CACNA1S: variants seen among roughly 807,000 people sequenced by gnomAD.
CACNA1S encodes calcium voltage-gated channel subunit alpha1 S.
Under a neutral mutation model 207.4 loss-of-function variants are expected in CACNA1S, and 126 were observed. The observed-to-expected ratio is 0.61, with a 90% confidence interval of 0.53 to 0.70. The LOEUF (loss-of-function observed/expected upper bound fraction) is 0.70, where lower values mean the gene tolerates loss of function less well. Among genes scored for constraint, CACNA1S ranks in the 30% least tolerant of loss-of-function variants. CACNA1S has a pLI of 0.00. For missense variants in CACNA1S, 2,349 were observed against 2,422.8 expected (o/e 0.97, Z 0.64); for synonymous variants, 960 against 932.7 (o/e 1.03, Z -0.53).
intron 34 of CACNA1S, 23 bp from the exon 35 acceptor site, chr1:201,049,122 G>T (rs775317860): frequency 4.5e-6 from 7 of 1,542,898 alleles, no homozygotes; most frequent in Non-Finnish European, 6.2e-6. Context: ...ACACAGACTT[G>T]TGTACCTGCT....
chr1:201,077,511 C>T (rs1437033810), intron 11 of CACNA1S, among the ~76,000 whole-genome samples: 2 of 152,302 alleles, frequency 1.3e-5, no homozygotes, highest in East Asian at 3.9e-4. Flanking sequence ...CTCACCACCT[C>T]ACAAAGGCCC....
chr1:201,084,715 T>C (rs1328483748), intron 9 of CACNA1S, among the ~76,000 whole-genome samples: 3 of 152,192 alleles, frequency 2.0e-5, no homozygotes, highest in African/African-American at 7.2e-5. Context: ...GTCCTTCTTA[T>C]GTGCTATATA....
At chr1:201,098,804 T>G (rs1662532372) in intron 2 of CACNA1S, among the ~76,000 whole-genome samples, 1 of 152,076 alleles carries the variant, frequency 6.6e-6, no homozygotes, top group Non-Finnish European at 1.5e-5. Context: ...CTTCGTGAGG[T>G]GAGAGCTCCC....
At chr1:201,072,919 A>C in intron 15 of CACNA1S, 95 bp from the exon 16 acceptor site, 7 of 908,924 alleles carry the variant, frequency 7.7e-6, no homozygotes, top group East Asian at 2.4e-5. Flanking sequence ...CGTTCAGCTC[A>C]CTTAATCATC....
At chr1:201,078,179 G>A (rs1661702826) in intron 10 of CACNA1S, 75 bp from the exon 11 acceptor site, 1 of 1,236,026 alleles carries the variant, frequency 8.1e-7, no homozygotes, top group Admixed American at 1.7e-5. Flanking sequence ...CTGTGGCTGG[G>A]CCTCAACCCA....
chr1:201,068,231 C>CTT lies in CACNA1S; in HGVS notation c.2550+904_2550+905dup, dbSNP rs60151209. Among the ~76,000 whole-genome samples, 44 of 47,008 alleles carry CTT rather than the reference C, an allele frequency of 9.4e-4. 3 individuals carry two copies. Among genetic ancestry groups the CTT allele is most frequent in the African/African-American group, 1.3e-3 (13 of 9,890 alleles). 30.8% of individuals were successfully genotyped at this position (47,008 alleles called of 152,430 possible). ...AATCACACAGCTCCCCGGCTCTGCTCTTTTTTTTTTTTTTTTTTTTTTTTT... is the reference window on the plus strand; with the variant it reads ...AATCACACAGCTCCCCGGCTCTGCTCTTTTTTTTTTTTTTTTTTTTTTTTTTT... On this transcript the variant is annotated intron_variant, in intron 19 of 43. Coordinates refer to ENST00000362061, the MANE Select transcript of CACNA1S (RefSeq NM_000069.3).
Position 201,060,776 on chromosome 1 carries a change from C to T in CACNA1S, c.3296G>A (p.Arg1099Lys), listed in dbSNP as rs751834090. 5.0e-6 allele frequency: 8 copies of T among 1,614,186 alleles called. No individual in the cohort carries two copies. The South Asian group carries it at 7.7e-5, about 16-fold the overall frequency. The part of the protein sequence containing the change: ...VQYALKARPL[R>K]CYIPKNPYQY... ...GTATGGGTTTTTGGGAATGTAGCAC[C>T]TCAGTGGGCGGGCCTTCAGGGCATA... Residue 1099 changes from arginine to lysine, a missense_variant, in exon 26 of 44, where the codon AGG becomes AAG. Arg to Lys is a conservative substitution (Grantham distance 26). Coordinates refer to ENST00000362061, the MANE Select transcript of CACNA1S (RefSeq NM_000069.3).
At chr1:201,061,511 C>T (rs527820503) in intron 24 of CACNA1S, 43 bp from the exon 25 acceptor site, 2 of 1,580,578 alleles carry the variant, frequency 1.3e-6, no homozygotes, top group South Asian at 2.2e-5. Flanking sequence ...GGTGGGGTGA[C>T]AAGGCAGAGA....
At chr1:201,047,736 T>A in intron 36 of CACNA1S, 110 bp from the exon 37 acceptor site, 2 of 781,496 alleles carry the variant, frequency 2.6e-6, no homozygotes, top group Non-Finnish European at 4.5e-6. Flanking sequence ...TAAGAAACAT[T>A]GGCTGAGTTT....
Position 201,053,127 on chromosome 1 carries a change from G to T in CACNA1S, c.3861+82C>A. The T allele has an allele frequency of 6.7e-7, 1 of 1,491,348 alleles. No individual in the cohort carries two copies. The highest frequency in any genetic ancestry group is 9.4e-7 in the Non-Finnish European group (1 of 1,068,244). The allele number at this position is 1,491,348 out of a possible 1,614,324, so 92.4% of individuals were successfully genotyped here. On this transcript the variant is annotated intron_variant, in intron 31 of 43. Coordinates refer to ENST00000362061, the MANE Select transcript of CACNA1S (RefSeq NM_000069.3). The surrounding 1 kb of genome is among the most constrained non-coding windows in gnomAD (Gnocchi z 5.1). ...GGGCGGAGGGTCCAGCCCGTGTGCTGCTCAGGCTCCTCAGGGTCCACTGAT... is the reference window on the plus strand; with the variant it reads ...GGGCGGAGGGTCCAGCCCGTGTGCTTCTCAGGCTCCTCAGGGTCCACTGAT...
intron 1 of CACNA1S, 47 bp from the exon 2 acceptor site, chr1:201,110,316 C>T: frequency 6.4e-7 from 1 of 1,553,064 alleles, no homozygotes; most frequent in Non-Finnish European, 8.9e-7. Context: ...AAGGGACTTA[C>T]AGGGTTAAGG....
chr1:201,097,323 C>T (rs1214878089), intron 2 of CACNA1S, among the ~76,000 whole-genome samples: 1 of 152,288 alleles, frequency 6.6e-6, no homozygotes, highest in East Asian at 1.9e-4. Flanking sequence ...CCGTGGCATG[C>T]AAGATCCTCC....
At chr1:201,070,244 AC>A (rs770187715) in intron 17 of CACNA1S, 27 bp downstream of exon 17, 3 of 1,613,442 alleles carry the variant, frequency 1.9e-6, no homozygotes, top group Admixed American at 1.7e-5. Context: ...CGCATCAATC[AC>A]CCCCACAGCA....
chr1:201,043,696 C>T (rs1269838331), intron 39 of CACNA1S, among the ~76,000 whole-genome samples, 165 bp from the exon 40 acceptor site: 1 of 151,998 alleles, frequency 6.6e-6, no homozygotes, highest in Non-Finnish European at 1.5e-5. Flanking sequence ...AAGAAAATTC[C>T]CACCCTTAGA....
chr1:201,067,858 G>A (rs1036665242), intron 19 of CACNA1S, among the ~76,000 whole-genome samples: 24 of 152,156 alleles, frequency 1.6e-4, no homozygotes, highest in African/African-American at 2.9e-4. Context: ...TTGAGGCCCC[G>A]AAATAAGGTA....
chr1:201,091,400 G>T (rs1358862230), intron 5 of CACNA1S, among the ~76,000 whole-genome samples: 1 of 151,718 alleles, frequency 6.6e-6, no homozygotes, highest in East Asian at 1.9e-4. Context: ...TGTGGGGCAG[G>T]GGGGTGACGG....
chr1:201,054,306 C>T (rs944288967), intron 29 of CACNA1S, among the ~76,000 whole-genome samples, 199 bp downstream of exon 29: 22 of 152,138 alleles, frequency 1.4e-4, no homozygotes, highest in South Asian at 1.0e-3. Flanking sequence ...CTGAGGAAGC[C>T]GCTATATCCA....
chr1:201,076,975 T>C lies in CACNA1S; in HGVS notation c.1772A>G (p.Glu591Gly). The stretch of plus-strand genomic sequence containing the variant: ...GTTGTCAAAGTTGCTGCGCCGTACT[T>C]CTGTGTCTTCAAAGTCATACCTCCC... ...FGGRYDFEDT[E>G]VRRSNFDNFP... Residue 591 changes from glutamate (E) to glycine (G), a missense_variant, in exon 12 of 44, where the codon GAA becomes GGA. By Grantham distance (98) the Glu-to-Gly change is moderately conservative. Transcript: ENST00000362061. 6.2e-7 allele frequency: 1 copy of C among 1,614,226 alleles called. No homozygotes were observed. The highest frequency in any genetic ancestry group is 1.3e-5 in the African/African-American group (1 of 75,062).
intron 16 of CACNA1S, 64 bp downstream of exon 16, chr1:201,072,691 C>G: frequency 8.0e-7 from 1 of 1,249,164 alleles, no homozygotes. Flanking sequence ...GGGGAGAATT[C>G]AGGACCGGCA....
Sources: gnomAD v4.1 joint callset for allele counts (sites outside exome capture counted in the v4.1 genomes callset) on GRCh38, gnomAD v4.1.1 for gene constraint, Gnocchi (gnomAD v3.1) non-coding constraint, MANE v1.5 for transcripts, NCBI Gene and HGNC (gene_info 2026-07-23, HGNC 2026-07-21) for gene names.